MBOAT1: variants seen among roughly 807,000 people sequenced by gnomAD.
The protein encoded by MBOAT1 is membrane bound glycerophospholipid O-acyltransferase 1, also known as membrane-bound glycerophospholipid O-acyltransferase 1.
In MBOAT1, 67 loss-of-function variants were observed where a neutral mutation model predicts 64.4. The observed-to-expected ratio is 1.04, with a 90% CI of 0.85 to 1.27. The LOEUF is 1.27. Ranked by LOEUF, MBOAT1 falls within the 50% of genes most tolerant of loss-of-function variation. The probability of loss-of-function intolerance (pLI) is 0.00; values close to 1 mark genes in which losing one functional copy is unlikely to be tolerated. For synonymous variants in MBOAT1, 229 were observed against 218.9 expected, an observed-to-expected ratio of 1.05 and a Z score of -0.41; for missense variants, 563 against 604.6, an observed-to-expected ratio of 0.93 and a Z score of 0.72.
At chr6:20,103,010 T>C (rs1420033535) in intron 12 of MBOAT1, among the ~76,000 whole-genome samples, 2 of 152,236 alleles carry the variant, frequency 1.3e-5, no homozygotes, top group Non-Finnish European at 2.9e-5. Context: ...TACTTGATAA[T>C]GACAATGAAT....
At chr6:20,165,925 T>C (rs562793370) in intron 1 of MBOAT1, among the ~76,000 whole-genome samples, 1 of 152,206 alleles carries the variant, frequency 6.6e-6, no homozygotes, top group Non-Finnish European at 1.5e-5. Context: ...ATAGAGTTCA[T>C]TTTTTAGCTA....
intron 1 of MBOAT1, among the ~76,000 whole-genome samples, chr6:20,205,002 G>A (rs1054194872): frequency 6.6e-6 from 1 of 152,148 alleles, no homozygotes; most frequent in African/African-American, 2.4e-5. Flanking sequence ...TTTAAGACCA[G>A]CCTGAGCAAC....
At chr6:20,141,997 A>T (rs1162084250) in intron 4 of MBOAT1, among the ~76,000 whole-genome samples, 1 of 152,188 alleles carries the variant, frequency 6.6e-6, no homozygotes, top group Non-Finnish European at 1.5e-5. Context: ...TAGAATGCAC[A>T]GTGTCTCTCG....
chr6:20,194,037 T>A (rs886948500), intron 1 of MBOAT1, among the ~76,000 whole-genome samples: 6 of 152,186 alleles, frequency 3.9e-5, no homozygotes, highest in African/African-American at 1.4e-4. Flanking sequence ...CATTCTTCTA[T>A]GAAATTCTCT....
chr6:20,160,652 C>T (rs539771180), intron 1 of MBOAT1, among the ~76,000 whole-genome samples: 3 of 152,320 alleles, frequency 2.0e-5, no homozygotes, highest in Admixed American at 1.3e-4. Flanking sequence ...TAAACAATTC[C>T]TTATTTAATG....
chr6:20,123,838 C>T (rs185782066), intron 8 of MBOAT1, among the ~76,000 whole-genome samples: 12 of 152,230 alleles, frequency 7.9e-5, no homozygotes, highest in Middle Eastern at 6.8e-3. Context: ...GGGCAGATCA[C>T]GACGTCAGGA....
At chr6:20,171,051 T>C (rs1762175061) in intron 1 of MBOAT1, among the ~76,000 whole-genome samples, 1 of 152,164 alleles carries the variant, frequency 6.6e-6, no homozygotes, top group Non-Finnish European at 1.5e-5. Context: ...TTACTCTTTA[T>C]TCTGTAGGAA....
chr6:20,157,111 C>T (rs1000775448), intron 1 of MBOAT1, among the ~76,000 whole-genome samples: 11 of 151,898 alleles, frequency 7.2e-5, no homozygotes, highest in Non-Finnish European at 1.3e-4. Flanking sequence ...AGCAAGAACC[C>T]CATCCACCCA....
intron 1 of MBOAT1, among the ~76,000 whole-genome samples, chr6:20,153,177 G>C (rs1761579100): frequency 6.6e-6 from 1 of 152,180 alleles, no homozygotes; most frequent in African/African-American, 2.4e-5. Context: ...AGGCTTCTCA[G>C]ACTTGGATTT....
chr6:20,195,634 T>TGC (rs889456160), intron 1 of MBOAT1, among the ~76,000 whole-genome samples: 4 of 151,516 alleles, frequency 2.6e-5, no homozygotes, highest in African/African-American at 7.3e-5. Context: ...TGTGTGTGTG[T>TGC]GCATGTGCAC....
At chr6:20,199,400 T>C (rs1176593882) in intron 1 of MBOAT1, among the ~76,000 whole-genome samples, 1 of 152,140 alleles carries the variant, frequency 6.6e-6, no homozygotes, top group South Asian at 2.1e-4. Context: ...AATACATCTG[T>C]AGAAAGAAAA....
chr6:20,168,776 G>A (rs1238831633), intron 1 of MBOAT1, among the ~76,000 whole-genome samples: 3 of 87,102 alleles, frequency 3.4e-5, no homozygotes, highest in Non-Finnish European at 4.9e-5. Flanking sequence ...GGGAGAGGAG[G>A]GGAAGGGAAG....
chr6:20,134,324 T>C (rs1263923844), intron 4 of MBOAT1, among the ~76,000 whole-genome samples: 1 of 152,066 alleles, frequency 6.6e-6, no homozygotes, highest in Non-Finnish European at 1.5e-5. Context: ...ATCTGTACCA[T>C]TGGGTCTATG....
chr6:20,171,382 TA>T (rs34821586), intron 1 of MBOAT1, among the ~76,000 whole-genome samples: 21,425 of 113,166 alleles, frequency 0.19, 1,730 homozygotes, highest in Non-Finnish European at 0.22. Flanking sequence ...ACAAAAAACT[TA>T]AAAAAAAAAA....
chr6:20,183,490 A>T (rs1208959343), intron 1 of MBOAT1, among the ~76,000 whole-genome samples: 1 of 152,202 alleles, frequency 6.6e-6, no homozygotes, highest in African/African-American at 2.4e-5. Flanking sequence ...AGTCTCCTAG[A>T]CAGGATATAA....
At position 20,109,703 on chromosome 6, in the gene MBOAT1, T is replaced by C; in HGVS notation, c.1256A>G (p.Lys419Arg). The C allele has an allele frequency of 6.2e-7, 1 of 1,614,036 alleles. No individual in the cohort carries two copies. Among genetic ancestry groups the C allele is most frequent in the South Asian group, 1.1e-5 (1 of 91,084 alleles). Residue 419 changes from lysine to arginine, a missense_variant, in exon 12 of 13, where the codon AAG becomes AGG. Coordinates refer to ENST00000324607, the MANE Select transcript of MBOAT1 (RefSeq NM_001080480.3). ...CCAGGTGCCTGCATCATACACAGCCTTGAGAGCTCTTGAAGAAAGGAAGTA... is the reference window on the plus strand; with the variant it reads ...CCAGGTGCCTGCATCATACACAGCCCTGAGAGCTCTTGAAGAAAGGAAGTA... ...RHYFLSSRAL[K>R]AVYDAGTWAV...
At chr6:20,197,760 T>C (rs1241514616) in intron 1 of MBOAT1, among the ~76,000 whole-genome samples, 2 of 152,178 alleles carry the variant, frequency 1.3e-5, no homozygotes, top group Non-Finnish European at 2.9e-5. Flanking sequence ...TTTGGGTACA[T>C]GTCGTCAGGA....
At chr6:20,185,163 T>C (rs531930994) in intron 1 of MBOAT1, among the ~76,000 whole-genome samples, 39 of 150,676 alleles carry the variant, frequency 2.6e-4, no homozygotes, top group African/African-American at 8.5e-4. Flanking sequence ...GGTGGGAGGA[T>C]TGCTTGAGCC....
At chr6:20,183,227 G>C (rs939075039) in intron 1 of MBOAT1, among the ~76,000 whole-genome samples, 1 of 150,744 alleles carries the variant, frequency 6.6e-6, no homozygotes, top group Non-Finnish European at 1.5e-5. Flanking sequence ...GATCTACCTG[G>C]AAAAAAAAAT....
Sources: gnomAD v4.1 joint callset for allele counts (sites outside exome capture counted in the v4.1 genomes callset) on GRCh38, gnomAD v4.1.1 for gene constraint, MANE v1.5 for transcripts, NCBI Gene and HGNC (gene_info 2026-07-23, HGNC 2026-07-21) for gene names.